Variants in FMN2 observed in about 807,000 individuals in gnomAD.
The protein encoded by FMN2 is formin 2.
In FMN2, 51 loss-of-function variants were observed where a neutral mutation model predicts 142.3. The observed-to-expected ratio is 0.36, with a 90% CI of 0.29 to 0.45. The LOEUF (loss-of-function observed/expected upper bound fraction) is 0.45, where lower values mean the gene tolerates loss of function less well. FMN2 is among the 20% of genes least tolerant of loss of function. The probability of loss-of-function intolerance (pLI) is 1.00; values close to 1 mark genes in which losing one functional copy is unlikely to be tolerated. For missense variants in FMN2, 1,936 were observed against 2,122.8 expected, an observed-to-expected ratio of 0.91 and a Z score of 1.73; for synonymous variants, 882 against 869.8, an observed-to-expected ratio of 1.01 and a Z score of -0.25.
chr1:240,221,484 T>C lies in FMN2; in HGVS notation c.4065+10249T>C, dbSNP rs1280583445. On this transcript the variant is annotated intron_variant, in intron 6 of 17. Transcript: ENST00000319653. ...TAATGACCAGTGATGATGAGCTTTT[T>C]TTCATATGTTTATTGGCCACATAAA... Among the ~76,000 whole-genome samples, 5 of 152,352 alleles carry C rather than the reference T, an allele frequency of 3.3e-5. No homozygotes were observed. The East Asian group carries it at 7.7e-4, about 24-fold the overall frequency.
At chr1:240,148,442 CAG>C (rs1193698308) in intron 2 of FMN2, among the ~76,000 whole-genome samples, 6 of 116,566 alleles carry the variant, frequency 5.1e-5, no homozygotes, top group African/African-American at 1.1e-4. Flanking sequence ...AAGAGAGAGA[CAG>C]AGAGAGAGAA....
At chr1:240,343,447 C>T (rs72766299) in intron 13 of FMN2, among the ~76,000 whole-genome samples, 21,181 of 152,138 alleles carry the variant, frequency 0.14, 1,619 homozygotes, top group African/African-American at 0.19. Context: ...ACACAAACAC[C>T]GCCTCCTTTT....
chr1:240,372,293 C>A (rs775724041), intron 14 of FMN2, among the ~76,000 whole-genome samples: 3 of 152,146 alleles, frequency 2.0e-5, no homozygotes, highest in Non-Finnish European at 4.4e-5. Context: ...GGTCTCATAT[C>A]ATGTGCCAAA....
intron 4 of FMN2, among the ~76,000 whole-genome samples, chr1:240,199,967 A>G (rs1351670010): frequency 6.6e-6 from 1 of 152,234 alleles, no homozygotes; most frequent in Admixed American, 6.5e-5. Flanking sequence ...ATCACTGGAA[A>G]TGCTGAGTGA....
chr1:240,214,814 C>G (rs550871737), intron 6 of FMN2, among the ~76,000 whole-genome samples: 19 of 152,236 alleles, frequency 1.2e-4, no homozygotes, highest in African/African-American at 4.6e-4. Flanking sequence ...ACCTGTAATC[C>G]TAGCACTTTG....
At chr1:240,245,608 A>T in intron 6 of FMN2, 1 of 470,998 alleles carries the variant, frequency 2.1e-6, no homozygotes, top group South Asian at 1.5e-5. Flanking sequence ...CATTTACCCT[A>T]CTGCCTAGCA....
At chr1:240,241,368 A>G (rs1309138184) in intron 6 of FMN2, among the ~76,000 whole-genome samples, 1 of 152,114 alleles carries the variant, frequency 6.6e-6, no homozygotes, top group Non-Finnish European at 1.5e-5. Flanking sequence ...GAAAAATATC[A>G]AAAAGCCTAA....
At chr1:240,471,255 GT>G (rs1162541784) in intron 16 of FMN2, among the ~76,000 whole-genome samples, 3 of 152,094 alleles carry the variant, frequency 2.0e-5, no homozygotes, top group Non-Finnish European at 4.4e-5. Context: ...ATGAAGCTCA[GT>G]TTTTAGAAAC....
intron 4 of FMN2, among the ~76,000 whole-genome samples, chr1:240,203,759 C>A (rs950418703): frequency 2.0e-5 from 3 of 152,072 alleles, no homozygotes; most frequent in Non-Finnish European, 2.9e-5. Context: ...CCATGGCCCA[C>A]GTTGACCTAT....
intron 3 of FMN2, among the ~76,000 whole-genome samples, chr1:240,185,705 A>C (rs1665417716): frequency 6.6e-6 from 1 of 152,226 alleles, no homozygotes; most frequent in Admixed American, 6.5e-5. Context: ...ATGCATTTCT[A>C]ATGTAAAGAA....
At chr1:240,231,082 T>C (rs564874501) in intron 6 of FMN2, among the ~76,000 whole-genome samples, 1 of 131,856 alleles carries the variant, frequency 7.6e-6, no homozygotes, top group Non-Finnish European at 1.6e-5. Flanking sequence ...GCTGTTGTGT[T>C]GTAAGTAAAA....
At chr1:240,134,667 A>C (rs770378507) in intron 2 of FMN2, among the ~76,000 whole-genome samples, 1 of 152,104 alleles carries the variant, frequency 6.6e-6, no homozygotes, top group African/African-American at 2.4e-5. Context: ...GAGAGAAAAA[A>C]GAAAACACTT....
At chr1:240,139,340 T>G (rs1663080859) in intron 2 of FMN2, among the ~76,000 whole-genome samples, 1 of 44,228 alleles carries the variant, frequency 2.3e-5, no homozygotes, top group South Asian at 5.7e-4. Context: ...CCTACTGAAT[T>G]TGAGGATACC....
chr1:240,185,477 A>G (rs1274594620), intron 3 of FMN2, among the ~76,000 whole-genome samples: 2 of 152,258 alleles, frequency 1.3e-5, no homozygotes, highest in African/African-American at 2.4e-5. Context: ...GATTGGGAGA[A>G]TGAATTCAGT....
intron 7 of FMN2, among the ~76,000 whole-genome samples, chr1:240,279,024 A>G (rs1481681288): frequency 2.6e-5 from 4 of 152,152 alleles, no homozygotes; most frequent in African/African-American, 7.2e-5. Flanking sequence ...TCGAACTGTA[A>G]TTTTGTTCTA....
intron 2 of FMN2, among the ~76,000 whole-genome samples, chr1:240,155,136 C>T (rs550535632): frequency 1.4e-3 from 207 of 152,152 alleles, no homozygotes; most frequent in Admixed American, 2.7e-3. Context: ...AGCAATCCAC[C>T]CACCTTGGCT....
chr1:240,451,314 A>C (rs942803700), intron 16 of FMN2, among the ~76,000 whole-genome samples: 1 of 151,484 alleles, frequency 6.6e-6, no homozygotes, highest in Non-Finnish European at 1.5e-5. Flanking sequence ...AGCCGAGATC[A>C]CAACACTGCA....
chr1:240,136,550 C>CT (rs914955082), intron 2 of FMN2, among the ~76,000 whole-genome samples: 11 of 152,000 alleles, frequency 7.2e-5, no homozygotes, highest in African/African-American at 2.7e-4. Flanking sequence ...ACAACTGGTA[C>CT]TTTTTTTTAA....
chr1:240,338,795 T>TAA (rs1388059839), intron 13 of FMN2, among the ~76,000 whole-genome samples: 1 of 152,230 alleles, frequency 6.6e-6, no homozygotes, highest in Non-Finnish European at 1.5e-5. Flanking sequence ...TATTGTGCGC[T>TAA]TTACTTCTAT....
Sources: gnomAD v4.1 joint callset for allele counts (sites outside exome capture counted in the v4.1 genomes callset) on GRCh38, gnomAD v4.1.1 for gene constraint, MANE v1.5 for transcripts, NCBI Gene and HGNC (gene_info 2026-07-23, HGNC 2026-07-21) for gene names.